Variants in CENPN observed in about 807,000 individuals in gnomAD.
CENPN encodes the protein centromere protein N, also known as interphase centromere complex protein 32.
In CENPN, 36 loss-of-function variants were observed where a neutral mutation model predicts 48.6. The observed-to-expected ratio is 0.74, with a 90% CI of 0.57 to 0.98. CENPN has a LOEUF of 0.98. Ranked by LOEUF, CENPN falls within the 50% of genes least tolerant of loss-of-function variation. The pLI is 0.00. For synonymous variants in CENPN, 166 were observed against 135.2 expected (o/e 1.23, Z -1.58); for missense variants, 439 against 399.2 (o/e 1.10, Z -0.85).
At chr16:81,023,629 C>T (rs1970318906) in intron 7 of CENPN, 2 of 152,164 alleles carry the variant, frequency 1.3e-5, no homozygotes, top group African/African-American at 2.4e-5. Flanking sequence ...TTGATATAAA[C>T]TGTTCTGCTA....
intron 6 of CENPN, 132 bp from the exon 7 acceptor site, chr16:81,022,464 TG>T: frequency 1.4e-6 from 1 of 710,020 alleles, no homozygotes; most frequent in Middle Eastern, 2.5e-4. Flanking sequence ...GGCTATCAGA[TG>T]TTTTTCTAGA....
chr16:81,009,121 C>T (rs996504285), intron 1 of CENPN, among the ~76,000 whole-genome samples: 6 of 152,140 alleles, frequency 3.9e-5, no homozygotes, highest in African/African-American at 1.4e-4. Context: ...GCAGGAGAAT[C>T]ATTTGAATCT....
rs1009219305 is a variant in CENPN, at chr16:81,029,206, A to G, written c.*555A>G. The G allele has an allele frequency of 1.1e-6, 1 of 946,992 alleles. No individual in the cohort carries two copies. The highest frequency in any genetic ancestry group is 1.3e-6 in the Non-Finnish European group (1 of 794,978). The allele number at this position is 946,992 out of a possible 1,614,324, so 58.7% of individuals were successfully genotyped here. ...ATTTGGTGAGTCAGTTATATAAAAT[A>G]GTGTTCTTATTGTAAATATGATACT... On this transcript the variant is annotated 3_prime_UTR_variant, in exon 11 of 11. Transcript: ENST00000305850.
chr16:81,022,802 TTTAGA>T, intron 7 of CENPN, 104 bp downstream of exon 7: 1 of 1,613,936 alleles, frequency 6.2e-7, no homozygotes. Flanking sequence ...AGGAGATCAT[TTTAGA>T]TATTACCGAA....
chr16:81,020,409 G>A, intron 6 of CENPN, 133 bp downstream of exon 6: 1 of 860,278 alleles, frequency 1.2e-6, no homozygotes, highest in Non-Finnish European at 1.6e-6. Context: ...TGTGGTCCCA[G>A]CTACTTGGGA....
chr16:81,028,346 C>G, intron 10 of CENPN, 49 bp downstream of exon 10: 1 of 1,599,920 alleles, frequency 6.3e-7, no homozygotes, highest in Non-Finnish European at 8.6e-7. Context: ...CAACATGCCT[C>G]CATTCCATCC....
rs775092569 is a variant in CENPN, at chr16:81,024,741, A to C, written c.660A>C (p.Thr220=). The C allele has an allele frequency of 1.2e-6, 2 of 1,611,148 alleles. No individual in the cohort carries two copies. The highest frequency in any genetic ancestry group is 8.5e-7 in the Non-Finnish European group (1 of 1,178,246). Residue 220 remains threonine (T), a synonymous_variant, in exon 8 of 11, where the codon ACA becomes ACC. Transcript: ENST00000305850. The stretch of plus-strand genomic sequence containing the variant: ...CCTTTGAAACTCACAACTCTACGAC[A>C]CCTCTACAGGAAAGAAGCCTTGGAC... The part of the protein sequence containing the change: ...NQTFETHNST[T]PLQERSLGLD...
At position 81,020,157 on chromosome 16, in the gene CENPN, G is replaced by T. The variant is rs768982189; in HGVS notation, c.412G>T (p.Gly138Ter). Residue 138 changes from glycine (G) to a stop codon, truncating the protein, a stop_gained, in exon 6 of 11, where the codon GGA becomes TGA. Transcript: ENST00000305850. LOFTEE classifies it high-confidence loss of function. ...ENAVWIRIAW[G>*]TQYTKPNQYK... ...TGCAGTCTGGATTCGAATTGCCTGG[G>T]GAACACAGTACACAAAGCCAAACCA... is the stretch of plus-strand genomic sequence containing the variant. The T allele has an allele frequency of 1.2e-6, 2 of 1,613,548 alleles. No homozygotes were observed. Among genetic ancestry groups the T allele is most frequent in the Non-Finnish European group, 1.7e-6 (2 of 1,179,862 alleles).
At chr16:81,017,009 C>G (rs1204579359) in intron 3 of CENPN, 1 of 269,448 alleles carries the variant, frequency 3.7e-6, no homozygotes, top group African/African-American at 2.3e-5. Flanking sequence ...CACAGCATTC[C>G]CTGTCGTGCC....
Position 81,029,833 on chromosome 16 carries a change from C to T in CENPN, c.*1182C>T, listed in dbSNP as rs908483777. 6.6e-6 allele frequency among the ~76,000 whole-genome samples: 1 copy of T among 152,124 alleles called. No individual in the cohort carries two copies. On this transcript the variant is annotated 3_prime_UTR_variant, in exon 11 of 11. Coordinates refer to ENST00000305850, the MANE Select transcript of CENPN (RefSeq NM_001100624.3). ...CAAGCAATCTGCCCATTTTAGCCTC[C>T]TAAAATGCTGGGATTATAGGAGTGT...
At chr16:81,033,107 A>G (rs1970834455), downstream of CENPN, 1 of 155,296 alleles carries the variant, frequency 6.4e-6, no homozygotes, top group African/African-American at 2.4e-5. Context: ...AAACACAAAA[A>G]CAAAAAATAT....
At chr16:81,016,463 A>T (rs1474280490) in intron 3 of CENPN, among the ~76,000 whole-genome samples, 1 of 152,202 alleles carries the variant, frequency 6.6e-6, no homozygotes, top group African/African-American at 2.4e-5. Context: ...ACAAATGAAC[A>T]TCTAAATAAA....
rs756054225 is a variant in CENPN at position 81,020,275 on chromosome 16, A to G, written c.530A>G (p.Gln177Arg). ...MLRRNTPLLG[Q>R]ALTIASKHHQ... ...AGGCGCAATACACCGCTTCTGGGTCAGGTATGGAAAAAATTATTACAAGCT... is the reference window on the plus strand; with the variant it reads ...AGGCGCAATACACCGCTTCTGGGTCGGGTATGGAAAAAATTATTACAAGCT... Residue 177 changes from glutamine to arginine, a missense_variant and splice_region_variant, in exon 6 of 11, where the codon CAG becomes CGG. Physicochemically the swap from Gln to Arg is conservative, Grantham distance 43. Transcript: ENST00000305850. 3.1e-6 allele frequency: 5 copies of G among 1,607,218 alleles called. No individual in the cohort carries two copies. The highest frequency in any genetic ancestry group is 3.4e-6 in the Non-Finnish European group (4 of 1,178,210).
chr16:81,026,139 A>ATGTG (rs200884722), intron 8 of CENPN, among the ~76,000 whole-genome samples: 5,027 of 56,126 alleles, frequency 0.09, 318 homozygotes, highest in African/African-American at 0.16. Context: ...GTGTATATAT[A>ATGTG]TATGTATATA....
rs1012496055 is a variant in CENPN, at chr16:81,029,818, G to A, written c.*1167G>A. ...TCAAACTCCTGGGCTCAAGCAATCTGCCCATTTTAGCCTCCTAAAATGCTG... is the reference window on the plus strand; with the variant it reads ...TCAAACTCCTGGGCTCAAGCAATCTACCCATTTTAGCCTCCTAAAATGCTG... On this transcript the variant is annotated 3_prime_UTR_variant, in exon 11 of 11. Transcript: ENST00000305850. Among the ~76,000 whole-genome samples the A allele has an allele frequency of 4.6e-5, 7 of 152,130 alleles. No homozygotes were observed. The highest frequency in any genetic ancestry group is 3.8e-4 in the East Asian group (2 of 5,198).
chr16:81,011,295 G>C (rs1364294890), intron 1 of CENPN, among the ~76,000 whole-genome samples: 1 of 152,130 alleles, frequency 6.6e-6, no homozygotes, highest in Non-Finnish European at 1.5e-5. Flanking sequence ...GCTCAACTCA[G>C]CCTGCCAAAA....
chr16:81,017,860 T>C, intron 5 of CENPN, 26 bp downstream of exon 5: 1 of 1,329,282 alleles, frequency 7.5e-7, no homozygotes, highest in Middle Eastern at 1.9e-4. Flanking sequence ...ATCTTTTACA[T>C]AAAATTCAAT....
At position 81,008,755 on chromosome 16, in the gene CENPN, C is replaced by G. The variant is rs557871880; in HGVS notation, c.-11+1478C>G. On this transcript the variant is annotated intron_variant, in intron 1 of 10. Coordinates refer to ENST00000305850, the MANE Select transcript of CENPN (RefSeq NM_001100624.3). ...ATTCCACAAGTATTTATCAAAGACA[C>G]ATTAGACTGTTCTTGGCCTGATTAG... Among the ~76,000 whole-genome samples, 14 of 152,350 alleles carry G rather than the reference C, an allele frequency of 9.2e-5. No homozygotes were observed. The South Asian group carries it at 2.9e-3, about 32-fold the overall frequency.
rs1970712895 is a variant in CENPN, at chr16:81,030,343, C to G, written c.*1692C>G. 1.0e-6 allele frequency: 1 copy of G among 985,250 alleles called. No homozygotes were observed. Among genetic ancestry groups the G allele is most frequent in the Non-Finnish European group, 1.2e-6 (1 of 829,880 alleles). The allele number at this position is 985,250 out of a possible 1,614,324, so 61.0% of individuals were successfully genotyped here. On this transcript the variant is annotated 3_prime_UTR_variant, in exon 11 of 11. Transcript: ENST00000305850. ...GCATGGTGGCTCACACTTGTAATCCCAGCACTTCAGGAGGTTTCTCCTAGT... is the reference window on the plus strand; with the variant it reads ...GCATGGTGGCTCACACTTGTAATCCGAGCACTTCAGGAGGTTTCTCCTAGT...
Sources: gnomAD v4.1 joint callset for allele counts (sites outside exome capture counted in the v4.1 genomes callset) on GRCh38, gnomAD v4.1.1 for gene constraint, MANE v1.5 for transcripts, NCBI Gene and HGNC (gene_info 2026-07-23, HGNC 2026-07-21) for gene names.